The following PMFBP1 variants were observed in gnomAD, a reference collection of about 807,000 sequenced individuals.
The protein encoded by PMFBP1 is polyamine modulated factor 1 binding protein 1.
PMFBP1 carries 131 observed loss-of-function variants against 137.8 expected under a neutral mutation model. The ratio of observed to expected loss-of-function variants is 0.95; its 90% CI spans 0.82 to 1.10. The LOEUF (loss-of-function observed/expected upper bound fraction) is 1.10, where lower values mean the gene tolerates loss of function less well. Among genes scored for constraint, PMFBP1 ranks in the 50% least tolerant of loss-of-function variants. The pLI is 0.00. For missense variants in PMFBP1, 1,199 were observed against 1,175.4 expected, an observed-to-expected ratio of 1.02 and a Z score of -0.29; for synonymous variants, 490 against 450.4, an observed-to-expected ratio of 1.09 and a Z score of -1.11.
chr16:72,192,339 G>T, the PMFBP1 span, among the ~76,000 whole-genome samples: 1 of 152,108 alleles, frequency 6.6e-6, no homozygotes, highest in Non-Finnish European at 1.5e-5. Flanking sequence ...CAATTCAACT[G>T]TTATAGGATG....
chr16:72,125,010 G>T, intron 16 of PMFBP1, 76 bp from the exon 17 acceptor site: 1 of 1,541,892 alleles, frequency 6.5e-7, no homozygotes, highest in South Asian at 1.2e-5. Flanking sequence ...GCCAGAGGGT[G>T]CTTCCTGGGC....
Position 72,139,320 on chromosome 16 carries a change from C to T in PMFBP1, c.887G>A (p.Ser296Asn), listed in dbSNP as rs561259190. The T allele has an allele frequency of 3.7e-6, 6 of 1,613,856 alleles. No individual in the cohort carries two copies. The highest frequency in any genetic ancestry group is 1.3e-5 in the African/African-American group (1 of 74,912). The change falls in exon 7 of 21, where the codon AGC becomes AAC. Residue 296 changes from serine to asparagine, a missense_variant. Transcript: ENST00000237353. ...GATGTCTTCACACTCTTCTGAGGAG[C>T]TAGGAGGGTATCTGTGGGTGGCTGT... is the stretch of plus-strand genomic sequence containing the variant. Reference protein sequence around the residue: ...SCTATHRYPPSSSEECEDIKK... With the variant: ...SCTATHRYPPNSSEECEDIKK...
At chr16:72,120,124 G>C (rs2042355768) in intron 19 of PMFBP1, 35 bp from the exon 20 acceptor site, 1 of 1,613,920 alleles carries the variant, frequency 6.2e-7, no homozygotes, top group African/African-American at 1.3e-5. Context: ...GTTGTGTTGG[G>C]GCTGCTGGCT....
chr16:72,144,912 A>C (rs568931860), intron 5 of PMFBP1, among the ~76,000 whole-genome samples: 1 of 152,260 alleles, frequency 6.6e-6, no homozygotes, highest in South Asian at 2.1e-4. Flanking sequence ...GGAGACTTAG[A>C]CTCCCATACA....
chr16:72,199,582 A>T, the PMFBP1 span, among the ~76,000 whole-genome samples: 2 of 136,340 alleles, frequency 1.5e-5, no homozygotes, highest in Non-Finnish European at 3.1e-5. Flanking sequence ...TGAACCTGGG[A>T]GGTGGAAGTT....
intron 15 of PMFBP1, 84 bp from the exon 16 acceptor site, chr16:72,125,489 C>A: frequency 1.4e-6 from 2 of 1,429,562 alleles, no homozygotes; most frequent in South Asian, 2.7e-5. Flanking sequence ...GGGTTCCAGT[C>A]CCTTCCTGTC....
At chr16:72,202,766 C>T in the PMFBP1 span, among the ~76,000 whole-genome samples, 7 of 152,224 alleles carry the variant, frequency 4.6e-5, no homozygotes, top group Non-Finnish European at 1.0e-4. Context: ...GGGCTTTTGA[C>T]AATCTCCTTC....
chr16:72,192,208 G>A, the PMFBP1 span, among the ~76,000 whole-genome samples: 1 of 152,182 alleles, frequency 6.6e-6, no homozygotes. Flanking sequence ...GATGGAAGGA[G>A]GGAGGGAAGA....
intron 3 of PMFBP1, chr16:72,164,420 G>C: frequency 7.6e-7 from 1 of 1,322,330 alleles, no homozygotes; most frequent in Non-Finnish European, 9.9e-7. Flanking sequence ...TTAGAAGTTT[G>C]TCTGAGATCC....
At chr16:72,205,462 C>G in the PMFBP1 span, among the ~76,000 whole-genome samples, 2 of 152,244 alleles carry the variant, frequency 1.3e-5, no homozygotes, top group African/African-American at 2.4e-5. Context: ...CCAATTGCAG[C>G]TGGACAGCAA....
chr16:72,196,760 T>C, the PMFBP1 span, among the ~76,000 whole-genome samples: 1 of 152,188 alleles, frequency 6.6e-6, no homozygotes. Flanking sequence ...TCTTTAATAT[T>C]GTCCAATCTC....
intron 5 of PMFBP1, among the ~76,000 whole-genome samples, chr16:72,142,071 T>C (rs2042732218): frequency 6.6e-6 from 1 of 151,748 alleles, no homozygotes; most frequent in Non-Finnish European, 1.5e-5. Flanking sequence ...CCATTAAACT[T>C]GTCTCTCTAA....
Position 72,139,298 on chromosome 16 carries a change from G to C in PMFBP1, c.909C>G (p.Asp303Glu). 6.2e-7 allele frequency: 1 copy of C among 1,612,812 alleles called. No individual in the cohort carries two copies. Among genetic ancestry groups the C allele is most frequent in the Non-Finnish European group, 8.5e-7 (1 of 1,178,880 alleles). ...YPPSSSEECE[D>E]IKKILKHLQE... Reference sequence around the variant, plus strand: ...AGCAAATTTCTCCCACCTTTTTGATGTCTTCACACTCTTCTGAGGAGCTAG... The same window carrying C: ...AGCAAATTTCTCCCACCTTTTTGATCTCTTCACACTCTTCTGAGGAGCTAG... Residue 303 changes from aspartate (D) to glutamate (E), a missense_variant, in exon 7 of 21, where the codon GAC becomes GAG. Physicochemically the swap from Asp to Glu is conservative, Grantham distance 45. Transcript: ENST00000237353.
rs373879433 is a variant in PMFBP1, at chr16:72,150,819, T to C, written c.425A>G (p.Tyr142Cys). ...CKLKEDEVIL[Y>C]EEEMGNHNEN... ...GTTGTGATTTCCCATTTCCTCCTCA[T>C]AGAGAATCACCTGTAGGTGTAGGAA... Residue 142 changes from tyrosine to cysteine, a missense_variant, in exon 5 of 21, where the codon TAT becomes TGT. Physicochemically the swap from Tyr to Cys is radical, Grantham distance 194. Transcript: ENST00000237353. 1.2e-6 allele frequency: 2 copies of C among 1,613,402 alleles called. No homozygotes were observed. Among genetic ancestry groups the C allele is most frequent in the Non-Finnish European group, 1.7e-6 (2 of 1,179,870 alleles).
chr16:72,131,868 C>A (rs2042554126), intron 10 of PMFBP1, among the ~76,000 whole-genome samples: 1 of 152,162 alleles, frequency 6.6e-6, no homozygotes, highest in South Asian at 2.1e-4. Flanking sequence ...TTTTATGAGA[C>A]AGAGTCTCAC....
chr16:72,155,693 A>G (rs1158518970), intron 3 of PMFBP1, among the ~76,000 whole-genome samples: 6 of 152,264 alleles, frequency 3.9e-5, no homozygotes, highest in African/African-American at 1.2e-4. Context: ...CTTTTTGAAA[A>G]CAGATTTATT....
At chr16:72,164,056 A>G (rs1443759777) in intron 3 of PMFBP1, among the ~76,000 whole-genome samples, 1 of 151,718 alleles carries the variant, frequency 6.6e-6, no homozygotes, top group Non-Finnish European at 1.5e-5. Flanking sequence ...AACAACAACA[A>G]CAACATTGGG....
intron 2 of PMFBP1, among the ~76,000 whole-genome samples, chr16:72,168,142 T>G (rs1349432756): frequency 1.3e-5 from 2 of 152,260 alleles, no homozygotes; most frequent in Non-Finnish European, 2.9e-5. Flanking sequence ...GAATATTCCT[T>G]AAACCAGTTG....
Position 72,136,441 on chromosome 16 carries a change from A to G in PMFBP1, c.1203+7T>C, listed in dbSNP as rs1197973947. 6.2e-7 allele frequency: 1 copy of G among 1,611,506 alleles called. No individual in the cohort carries two copies. Among genetic ancestry groups the G allele is most frequent in the East Asian group, 2.2e-5 (1 of 44,804 alleles). On this transcript the variant is annotated splice_region_variant and intron_variant, in intron 9 of 20. Transcript: ENST00000237353. ...TTGGGAACCCCAACCAGAGTTCCTCACTTTACCTTGTCTTTCTTCAAAGTG... is the reference window on the plus strand; with the variant it reads ...TTGGGAACCCCAACCAGAGTTCCTCGCTTTACCTTGTCTTTCTTCAAAGTG...
Sources: gnomAD v4.1 joint callset for allele counts (sites outside exome capture counted in the v4.1 genomes callset) on GRCh38, gnomAD v4.1.1 for gene constraint, MANE v1.5 for transcripts, NCBI Gene and HGNC (gene_info 2026-07-23, HGNC 2026-07-21) for gene names.